Variants in FHIT observed in about 807,000 individuals in gnomAD.
The protein encoded by FHIT is fragile histidine triad diadenosine triphosphatase, also known as bis(5'-adenosyl)-triphosphatase.
A neutral mutation model predicts 17.9 loss-of-function variants in FHIT; 19 were observed. The ratio of observed to expected loss-of-function variants is 1.06; its 90% confidence interval spans 0.74 to 1.56. FHIT has a LOEUF of 1.56. Ranked by LOEUF, FHIT falls within the 40% of genes most tolerant of loss-of-function variation. The probability of loss-of-function intolerance (pLI) is 0.00; values close to 1 mark genes in which losing one functional copy is unlikely to be tolerated. For synonymous variants in FHIT, 81 were observed against 69.7 expected (o/e 1.16, Z -0.81); for missense variants, 248 against 189.2 (o/e 1.31, Z -1.82).
rs1038242449 is a variant in FHIT at position 59,774,565 on chromosome 3, C to T, written c.349-22244G>A. On this transcript the variant is annotated intron_variant, in intron 8 of 9. Coordinates refer to ENST00000492590, the MANE Select transcript of FHIT (RefSeq NM_002012.4). ...ATGTGAACTTCCTTAAATAGTGCCT[C>T]ATCCATAGTAGGTTCTCAATAAATG... 2.6e-5 allele frequency among the ~76,000 whole-genome samples: 4 copies of T among 152,322 alleles called. No homozygotes were observed. In the South Asian group the frequency reaches 6.2e-4, roughly 24 times the overall value.
chr3:60,988,946 TAAAAAAAAAAAAAA>T (rs535898632), intron 3 of FHIT, among the ~76,000 whole-genome samples: 3 of 34,334 alleles, frequency 8.7e-5, no homozygotes, highest in East Asian at 7.9e-4. Context: ...ATGGCTTTGT[TAAAAAAAAAAAAAA>T]AAAAAAAAAA....
chr3:60,178,060 G>T (rs143648667), intron 5 of FHIT, among the ~76,000 whole-genome samples: 2 of 152,318 alleles, frequency 1.3e-5, no homozygotes, highest in East Asian at 1.9e-4. Flanking sequence ...ACGTTAATAT[G>T]AAGTGTCCTG....
chr3:61,249,228 T>C (rs757215606), intron 1 of FHIT, among the ~76,000 whole-genome samples: 5 of 152,166 alleles, frequency 3.3e-5, no homozygotes, highest in Non-Finnish European at 7.3e-5. Flanking sequence ...AGATGCTTGG[T>C]TCTAGTCTAA....
intron 5 of FHIT, among the ~76,000 whole-genome samples, chr3:60,415,542 G>A (rs922819149): frequency 5.3e-5 from 8 of 152,052 alleles, no homozygotes; most frequent in Non-Finnish European, 8.8e-5. Flanking sequence ...CATATCTTGA[G>A]ACTCTGAAAA....
chr3:60,723,801 T>C (rs1166424074), intron 4 of FHIT, among the ~76,000 whole-genome samples: 1 of 152,192 alleles, frequency 6.6e-6, no homozygotes, highest in Non-Finnish European at 1.5e-5. Context: ...GGACCACCAA[T>C]GCAGGGACTC....
chr3:61,222,645 GA>G (rs1407156118), intron 1 of FHIT, among the ~76,000 whole-genome samples: 1 of 152,112 alleles, frequency 6.6e-6, no homozygotes, highest in Non-Finnish European at 1.5e-5. Flanking sequence ...AGGATGAAAA[GA>G]AAAAGAAAGG....
intron 7 of FHIT, among the ~76,000 whole-genome samples, chr3:59,985,957 GA>G (rs960441285): frequency 3.3e-5 from 5 of 151,342 alleles, no homozygotes; most frequent in African/African-American, 9.7e-5. Context: ...CAGAGAGAGA[GA>G]AAAAAAAGAG....
chr3:60,917,754 G>A (rs576327237), intron 3 of FHIT, among the ~76,000 whole-genome samples: 2 of 152,182 alleles, frequency 1.3e-5, no homozygotes, highest in African/African-American at 2.4e-5. Flanking sequence ...TCAAATGCAT[G>A]CAGATTTACT....
chr3:60,633,003 G>C (rs1188199451), intron 4 of FHIT, among the ~76,000 whole-genome samples: 1 of 152,118 alleles, frequency 6.6e-6, no homozygotes, highest in African/African-American at 2.4e-5. Flanking sequence ...GAGTAAAAGG[G>C]GCAAGGATGG....
chr3:60,238,504 T>C (rs529172909), intron 5 of FHIT, among the ~76,000 whole-genome samples: 47 of 150,894 alleles, frequency 3.1e-4, no homozygotes, highest in African/African-American at 1.1e-3. Context: ...AGATGCTTTC[T>C]AAAATGCTGA....
chr3:60,833,316 G>A (rs560406054), intron 3 of FHIT, among the ~76,000 whole-genome samples: 5 of 152,128 alleles, frequency 3.3e-5, no homozygotes, highest in Non-Finnish European at 7.4e-5. Context: ...CAGGCTATGC[G>A]GATTGGGCAA....
At chr3:60,047,532 T>A (rs1255130823) in intron 5 of FHIT, among the ~76,000 whole-genome samples, 1 of 152,244 alleles carries the variant, frequency 6.6e-6, no homozygotes, top group Non-Finnish European at 1.5e-5. Context: ...ACGTCTTATC[T>A]TTGTTTATGA....
At chr3:61,021,837 G>T (rs923417252) in intron 3 of FHIT, among the ~76,000 whole-genome samples, 32 of 152,054 alleles carry the variant, frequency 2.1e-4, no homozygotes, top group Non-Finnish European at 4.1e-4. Flanking sequence ...CTGGGACACA[G>T]CTAAAGCAGT....
chr3:60,078,111 A>G (rs1703113343), intron 5 of FHIT, among the ~76,000 whole-genome samples: 1 of 152,178 alleles, frequency 6.6e-6, no homozygotes, highest in Non-Finnish European at 1.5e-5. Context: ...TGTTTCAGGT[A>G]AGAATCAGTA....
At chr3:60,725,687 C>G (rs1375127430) in intron 4 of FHIT, among the ~76,000 whole-genome samples, 1 of 152,038 alleles carries the variant, frequency 6.6e-6, no homozygotes. Flanking sequence ...TCAGAATATG[C>G]TCAGTATTTT....
intron 7 of FHIT, among the ~76,000 whole-genome samples, chr3:59,974,157 G>C (rs1331281222): frequency 2.6e-5 from 4 of 152,062 alleles, no homozygotes; most frequent in South Asian, 2.1e-4. Flanking sequence ...TATGACTCCA[G>C]AGAGTTACCA....
intron 7 of FHIT, among the ~76,000 whole-genome samples, chr3:59,981,582 A>T (rs1420168046): frequency 6.6e-6 from 1 of 152,118 alleles, no homozygotes; most frequent in Non-Finnish European, 1.5e-5. Flanking sequence ...AGATAACATC[A>T]CAGCACCTGA....
chr3:60,011,424 G>A lies in FHIT; in HGVS notation c.250-24C>T, dbSNP rs373475029. Reference sequence around the variant, plus strand: ...TCCTAGAAGTAGGAAAAAACCAACAGAGGTGAGAATAGATAGATGGTATCT... The same window carrying A: ...TCCTAGAAGTAGGAAAAAACCAACAAAGGTGAGAATAGATAGATGGTATCT... On this transcript the variant is annotated intron_variant, in intron 6 of 9. Coordinates refer to ENST00000492590, the MANE Select transcript of FHIT (RefSeq NM_002012.4). 619 of 1,607,520 alleles carry A rather than the reference G, an allele frequency of 3.9e-4. 5 individuals carry two copies. The South Asian group carries it at 4.6e-3, about 12-fold the overall frequency.
intron 5 of FHIT, among the ~76,000 whole-genome samples, chr3:60,110,202 T>C (rs985675339): frequency 9.9e-5 from 15 of 152,142 alleles, no homozygotes; most frequent in Middle Eastern, 3.2e-3. Flanking sequence ...GCCTCCAAAA[T>C]AATTTGGAAT....
Sources: allele counts gnomAD v4.1 joint callset (sites outside exome capture counted in the v4.1 genomes callset), GRCh38; gene constraint gnomAD v4.1.1; transcripts MANE v1.5; gene names NCBI Gene and HGNC (gene_info 2026-07-23, HGNC 2026-07-21).